The following TUBB6 variants were observed in gnomAD, a reference collection of about 807,000 sequenced individuals.
The protein encoded by TUBB6 is tubulin beta 6 class V, also known as tubulin beta-6 chain.
Under a neutral mutation model 32.3 loss-of-function variants are expected in TUBB6, and 18 were observed. That is an observed-to-expected ratio of 0.56 (90% CI 0.39 to 0.83). The LOEUF (loss-of-function observed/expected upper bound fraction) is 0.83. Ranked by LOEUF, TUBB6 falls within the 40% of genes least tolerant of loss-of-function variation. TUBB6 has a pLI of 0.00. For missense variants in TUBB6, 480 were observed against 632.0 expected (o/e 0.76, Z 2.58); for synonymous variants, 280 against 265.8 (o/e 1.05, Z -0.52).
At chr18:12,322,838 T>C (rs1907060826) in intron 3 of TUBB6, among the ~76,000 whole-genome samples, 1 of 152,224 alleles carries the variant, frequency 6.6e-6, no homozygotes, top group Non-Finnish European at 1.5e-5. Context: ...TTTAATACTT[T>C]GTAATCACAG....
At chr18:12,308,643 C>T (rs1206800059) in intron 1 of TUBB6, 44 bp from the exon 2 acceptor site, 1 of 1,392,922 alleles carries the variant, frequency 7.2e-7, no homozygotes, top group East Asian at 2.3e-5. Context: ...GCGTCCCGGG[C>T]TCTGGGTTCT....
intron 3 of TUBB6, among the ~76,000 whole-genome samples, chr18:12,312,459 T>C (rs1481855958): frequency 2.6e-5 from 4 of 152,216 alleles, no homozygotes; most frequent in African/African-American, 9.6e-5. Context: ...TTTAACTTAC[T>C]TGTGACTTAA....
intron 3 of TUBB6, among the ~76,000 whole-genome samples, chr18:12,324,240 G>C (rs1478407778): frequency 6.6e-6 from 1 of 151,942 alleles, no homozygotes; most frequent in African/African-American, 2.4e-5. Context: ...AGTGGTGGCA[G>C]GCGCCTGTAG....
intron 2 of TUBB6, among the ~76,000 whole-genome samples, chr18:12,309,769 A>C (rs577449429): frequency 6.6e-6 from 1 of 152,248 alleles, no homozygotes; most frequent in South Asian, 2.1e-4. Flanking sequence ...AATCATATTA[A>C]CCGTGTCCTC....
At position 12,308,304 on chromosome 18, in the gene TUBB6, C is replaced by T. The variant is rs1310503120; in HGVS notation, c.12C>T (p.Ile4=). The T allele has an allele frequency of 6.1e-6, 9 of 1,479,092 alleles. No individual in the cohort carries two copies. In the Admixed American group the frequency reaches 1.9e-4, roughly 31 times the overall value. The allele number at this position is 1,479,092 out of a possible 1,614,324, so 91.6% of individuals were successfully genotyped here. The change falls in exon 1 of 4, where the codon ATC becomes ATT. Residue 4 remains isoleucine, a synonymous_variant. Transcript: ENST00000317702. The part of the protein sequence containing the change: MRE[I]VHIQAGQCGN... ...GAGCCGCGCCCGCCATGAGGGAGAT[C>T]GTGCACATCCAGGCGGGCCAGTGCG...
chr18:12,329,724 CA>C (rs757726488), downstream of TUBB6: 4 of 1,614,132 alleles, frequency 2.5e-6, no homozygotes, highest in Non-Finnish European at 2.5e-6. Flanking sequence ...GTCTGGGGCC[CA>C]AAAGTTCAAC....
chr18:12,325,094 C>A lies in TUBB6; in HGVS notation c.305C>A (p.Ala102Glu). 1.9e-6 allele frequency: 3 copies of A among 1,581,082 alleles called. No homozygotes were observed. The highest frequency in any genetic ancestry group is 2.3e-5 in the South Asian group (2 of 85,228). ...CAGACGGGTGCAGGGAACAACTGGG[C>A]GAAAGGGCACTACACGGAGGGCGCG... The part of the protein sequence containing the change: ...FGQTGAGNNW[A>E]KGHYTEGAEL... The change falls in exon 4 of 4, where the codon GCG (alanine) becomes GAG (glutamate). Residue 102 changes from alanine (A) to glutamate (E), a missense_variant. Physicochemically the swap from Ala to Glu is moderately radical, Grantham distance 107. Coordinates refer to ENST00000317702, the MANE Select transcript of TUBB6 (RefSeq NM_032525.3).
chr18:12,318,853 G>A (rs976729400), intron 3 of TUBB6, among the ~76,000 whole-genome samples: 1 of 152,096 alleles, frequency 6.6e-6, no homozygotes, highest in Non-Finnish European at 1.5e-5. Context: ...AAACTCCTGG[G>A]CTCAAGCAGT....
downstream of TUBB6, among the ~76,000 whole-genome samples, chr18:12,327,831 C>T (rs558792577): frequency 2.6e-5 from 4 of 152,324 alleles, no homozygotes; most frequent in African/African-American, 7.2e-5. Flanking sequence ...GCCCCACTCT[C>T]GTCCCCCGGG....
chr18:12,310,303 C>T (rs1906297123), intron 2 of TUBB6, among the ~76,000 whole-genome samples: 3 of 151,862 alleles, frequency 2.0e-5, no homozygotes, highest in South Asian at 4.2e-4. Context: ...TCCTGGCTAA[C>T]ACGGTGAAAC....
upstream of TUBB6, chr18:12,308,020 C>G (rs1906076937): frequency 6.6e-6 from 1 of 152,388 alleles, no homozygotes; most frequent in Non-Finnish European, 1.5e-5. Context: ...GGGCGCCGCG[C>G]TCCTTCCCGT....
intron 3 of TUBB6, among the ~76,000 whole-genome samples, chr18:12,314,068 C>T (rs1347833370): frequency 6.6e-6 from 1 of 152,184 alleles, no homozygotes; most frequent in Non-Finnish European, 1.5e-5. Context: ...ACTCAGCAGC[C>T]ACAGCTTCTT....
At chr18:12,321,339 C>T (rs969673429) in intron 3 of TUBB6, among the ~76,000 whole-genome samples, 1 of 152,112 alleles carries the variant, frequency 6.6e-6, no homozygotes, top group Non-Finnish European at 1.5e-5. Flanking sequence ...ATGCTTCATC[C>T]CCCCCAAGAG....
chr18:12,317,412 G>C (rs1906733151), intron 3 of TUBB6, among the ~76,000 whole-genome samples: 1 of 152,120 alleles, frequency 6.6e-6, no homozygotes, highest in Non-Finnish European at 1.5e-5. Context: ...AGGCTGCAGT[G>C]AGCGGTGTTT....
intron 3 of TUBB6, among the ~76,000 whole-genome samples, chr18:12,315,590 C>T (rs1305306064): frequency 6.6e-6 from 1 of 152,098 alleles, no homozygotes; most frequent in South Asian, 2.1e-4. Context: ...TGAATTTGGC[C>T]CTTCTATTCT....
chr18:12,308,896 G>C lies in TUBB6; in HGVS notation c.166+101G>C, dbSNP rs116733863. On this transcript the variant is annotated intron_variant, in intron 2 of 3. Coordinates refer to ENST00000317702, the MANE Select transcript of TUBB6 (RefSeq NM_032525.3). ...AGTTTGCTTCGGGAAAAGTTCTCTC[G>C]GGGTGTAGCAGGATGCCCGGCCACT... is the stretch of plus-strand genomic sequence containing the variant. 1,284 of 787,730 alleles carry C rather than the reference G, an allele frequency of 1.6e-3. 14 individuals are homozygous for C. The African/African-American group carries it at 0.02, about 12-fold the overall frequency. The allele number at this position is 787,730 out of a possible 1,614,324, so 48.8% of individuals were successfully genotyped here. A position where few individuals can be genotyped will look rare whatever the true frequency, so the allele number is the denominator to read the frequency against.
downstream of TUBB6, among the ~76,000 whole-genome samples, chr18:12,328,365 A>G (rs1907404344): frequency 1.3e-5 from 2 of 152,278 alleles, no homozygotes; most frequent in Non-Finnish European, 2.9e-5. Context: ...ATGTCCAAAT[A>G]ACAGCAATTG....
At chr18:12,309,707 G>C (rs772297977) in intron 2 of TUBB6, among the ~76,000 whole-genome samples, 1 of 152,102 alleles carries the variant, frequency 6.6e-6, no homozygotes, top group East Asian at 1.9e-4. Context: ...ATCCATTTTC[G>C]ATCTTGGCGA....
Position 12,325,099 on chromosome 18 carries a change from G to C in TUBB6, c.310G>C (p.Gly104Arg). 6.3e-7 allele frequency: 1 copy of C among 1,585,332 alleles called. No individual in the cohort carries two copies. The highest frequency in any genetic ancestry group is 8.6e-7 in the Non-Finnish European group (1 of 1,162,502). The change falls in exon 4 of 4, where the codon GGG (glycine) becomes CGG (arginine). Residue 104 changes from glycine (G) to arginine (R), a missense_variant. Physicochemically the swap from Gly to Arg is moderately radical, Grantham distance 125. Coordinates refer to ENST00000317702, the MANE Select transcript of TUBB6 (RefSeq NM_032525.3). ...QTGAGNNWAK[G>R]HYTEGAELVD... Reference sequence around the variant, plus strand: ...GGGTGCAGGGAACAACTGGGCGAAAGGGCACTACACGGAGGGCGCGGAGCT... The same window carrying C: ...GGGTGCAGGGAACAACTGGGCGAAACGGCACTACACGGAGGGCGCGGAGCT...
Sources: gnomAD v4.1 joint callset for allele counts (sites outside exome capture counted in the v4.1 genomes callset) on GRCh38, gnomAD v4.1.1 for gene constraint, MANE v1.5 for transcripts, NCBI Gene and HGNC (gene_info 2026-07-23, HGNC 2026-07-21) for gene names.